The following CDH12 variants were observed in gnomAD, a reference collection of about 807,000 sequenced individuals.
CDH12 encodes cadherin-12.
In CDH12, 41 loss-of-function variants were observed where a neutral mutation model predicts 74.1. The ratio of observed to expected loss-of-function variants is 0.55; its 90% CI spans 0.43 to 0.72. The LOEUF (loss-of-function observed/expected upper bound fraction) is 0.72, where lower values mean the gene tolerates loss of function less well. Ranked by LOEUF, CDH12 falls within the 30% of genes least tolerant of loss-of-function variation. The probability of loss-of-function intolerance (pLI) is 0.00; values close to 1 mark genes in which losing one functional copy is unlikely to be tolerated. For missense variants in CDH12, 945 were observed against 977.2 expected, an observed-to-expected ratio of 0.97 and a Z score of 0.44; for synonymous variants, 399 against 355.0, an observed-to-expected ratio of 1.12 and a Z score of -1.39.
chr5:22,169,612 G>T (rs1641802300), intron 4 of CDH12, among the ~76,000 whole-genome samples: 1 of 151,864 alleles, frequency 6.6e-6, no homozygotes, highest in African/African-American at 2.4e-5. Context: ...TTACACCCAT[G>T]ATAGACATTA....
chr5:22,776,382 T>TGATC (rs1230086760), intron 1 of CDH12, among the ~76,000 whole-genome samples: 18 of 152,276 alleles, frequency 1.2e-4, no homozygotes, highest in African/African-American at 4.1e-4. Flanking sequence ...ATTAAATAAA[T>TGATC]GATCCCTGTC....
intron 5 of CDH12, among the ~76,000 whole-genome samples, chr5:22,051,837 A>T: frequency 6.6e-6 from 1 of 152,234 alleles, no homozygotes; most frequent in East Asian, 1.9e-4. Flanking sequence ...CAGCCCTTTC[A>T]GAGATAGGCA....
At chr5:22,536,417 G>A (rs1012912694) in intron 1 of CDH12, among the ~76,000 whole-genome samples, 46 of 152,222 alleles carry the variant, frequency 3.0e-4, no homozygotes, top group Non-Finnish European at 5.9e-4. Flanking sequence ...GGTGGTGGTG[G>A]TTGTTGTGGT....
At chr5:22,293,815 G>A (rs527926452) in intron 3 of CDH12, among the ~76,000 whole-genome samples, 2 of 152,272 alleles carry the variant, frequency 1.3e-5, no homozygotes, top group South Asian at 4.1e-4. Flanking sequence ...TAGAGAGTAG[G>A]ATGGTGGCTA....
intron 2 of CDH12, among the ~76,000 whole-genome samples, chr5:22,450,840 TC>T (rs1745011232): frequency 6.6e-6 from 1 of 151,208 alleles, no homozygotes; most frequent in South Asian, 2.1e-4. Flanking sequence ...GCCAAAATTC[TC>T]CTGTCTCCAG....
At chr5:22,188,546 A>G (rs1750096377) in intron 4 of CDH12, among the ~76,000 whole-genome samples, 1 of 152,176 alleles carries the variant, frequency 6.6e-6, no homozygotes. Flanking sequence ...TGGCATCACA[A>G]ATAGAAATGG....
At chr5:21,982,740 C>T (rs960396877) in intron 5 of CDH12, among the ~76,000 whole-genome samples, 14 of 151,754 alleles carry the variant, frequency 9.2e-5, no homozygotes, top group Non-Finnish European at 1.5e-4. Context: ...TCAGTTGATG[C>T]TAAAACATTA....
intron 6 of CDH12, among the ~76,000 whole-genome samples, chr5:21,898,198 T>A (rs1753213366): frequency 6.6e-6 from 1 of 151,936 alleles, no homozygotes; most frequent in Non-Finnish European, 1.5e-5. Context: ...TACATTAAAT[T>A]TTTTTTCTGT....
intron 1 of CDH12, among the ~76,000 whole-genome samples, chr5:22,613,993 C>A (rs1378023389): frequency 6.6e-6 from 1 of 152,050 alleles, no homozygotes; most frequent in African/African-American, 2.4e-5. Flanking sequence ...AAGTGACAGT[C>A]TGGCTCCTGT....
chr5:21,971,763 A>T (rs890966976), intron 6 of CDH12, among the ~76,000 whole-genome samples: 1 of 152,180 alleles, frequency 6.6e-6, no homozygotes, highest in African/African-American at 2.4e-5. Flanking sequence ...ATAAAGTCCA[A>T]ACTTGTCTCC....
intron 1 of CDH12, among the ~76,000 whole-genome samples, chr5:22,591,498 T>A (rs1736318363): frequency 6.6e-6 from 1 of 152,218 alleles, no homozygotes; most frequent in Non-Finnish European, 1.5e-5. Flanking sequence ...GTTGAAATAT[T>A]GTAAATACAT....
intron 4 of CDH12, among the ~76,000 whole-genome samples, chr5:22,117,870 G>A (rs913849818): frequency 4.6e-5 from 7 of 151,888 alleles, no homozygotes; most frequent in Admixed American, 3.9e-4. Flanking sequence ...TTCCTTTAGA[G>A]TAGACTTAAC....
Position 22,572,207 on chromosome 5 carries a change from G to A in CDH12, c.-522-66843C>T, listed in dbSNP as rs942992528. On this transcript the variant is annotated intron_variant, in intron 1 of 14. Coordinates refer to ENST00000382254, the MANE Select transcript of CDH12 (RefSeq NM_004061.5). ...CTTGCCCTAAGATTTCAACTAACTG[G>A]ACAAAATAAAGTTGCTGAAAGGTAC... Among the ~76,000 whole-genome samples, 10 of 152,180 alleles carry A rather than the reference G, an allele frequency of 6.6e-5. No homozygotes were observed. In the East Asian group the frequency reaches 1.5e-3, roughly 24 times the overall value.
intron 6 of CDH12, among the ~76,000 whole-genome samples, chr5:21,913,599 C>T (rs1753957919): frequency 1.3e-5 from 2 of 152,042 alleles, no homozygotes; most frequent in South Asian, 4.1e-4. Context: ...TAACATTAAT[C>T]ACACATATAT....
intron 3 of CDH12, among the ~76,000 whole-genome samples, chr5:22,275,865 G>A (rs1057336674): frequency 1.3e-5 from 2 of 152,082 alleles, no homozygotes; most frequent in Non-Finnish European, 2.9e-5. Context: ...AAACCTCTAC[G>A]ACTAGTTCTT....
At chr5:22,483,491 C>G (rs1323462516) in intron 2 of CDH12, among the ~76,000 whole-genome samples, 1 of 151,072 alleles carries the variant, frequency 6.6e-6, no homozygotes, top group Admixed American at 6.6e-5. Context: ...CAAGTAAAGC[C>G]TTTTAAGTGA....
chr5:22,610,274 T>C (rs1280335060), intron 1 of CDH12, among the ~76,000 whole-genome samples: 1 of 152,212 alleles, frequency 6.6e-6, no homozygotes, highest in Non-Finnish European at 1.5e-5. Context: ...GATAGGCTCT[T>C]ACCAAATGGA....
chr5:22,825,331 G>A (rs1736251732), intron 1 of CDH12, among the ~76,000 whole-genome samples: 1 of 152,122 alleles, frequency 6.6e-6, no homozygotes, highest in African/African-American at 2.4e-5. Context: ...TAATGTCTGG[G>A]AAAGATTTAT....
intron 1 of CDH12, among the ~76,000 whole-genome samples, chr5:22,659,304 A>G (rs536609540): frequency 3.8e-4 from 58 of 152,260 alleles, no homozygotes; most frequent in Admixed American, 1.4e-3. Flanking sequence ...AATTACCTCT[A>G]TCTCGAAGCT....
Sources: gnomAD v4.1 joint callset for allele counts (sites outside exome capture counted in the v4.1 genomes callset) on GRCh38, gnomAD v4.1.1 for gene constraint, MANE v1.5 for transcripts, NCBI Gene and HGNC (gene_info 2026-07-23, HGNC 2026-07-21) for gene names.